NDUFAF7: variants seen among roughly 807,000 people sequenced by gnomAD.
The protein encoded by NDUFAF7 is protein arginine methyltransferase NDUFAF7, mitochondrial.
Under a neutral mutation model 47.2 loss-of-function variants are expected in NDUFAF7, and 48 were observed. That is an observed-to-expected ratio of 1.02 (90% CI 0.81 to 1.29). NDUFAF7 has a LOEUF of 1.29. Ranked by LOEUF, NDUFAF7 falls within the 50% of genes most tolerant of loss-of-function variation. The pLI, the probability that NDUFAF7 is intolerant of heterozygous loss-of-function variation, is 0.00. For missense variants in NDUFAF7, 635 were observed against 537.6 expected (o/e 1.18, Z -1.79); for synonymous variants, 217 against 190.0 (o/e 1.14, Z -1.17).
rs146476466 is a variant in NDUFAF7, at chr2:37,243,680, T to C, written c.682-183T>C. 3.7e-3 allele frequency among the ~76,000 whole-genome samples: 561 copies of C among 152,296 alleles called. 4 individuals carry two copies. The highest frequency in any genetic ancestry group is 0.013 in the African/African-American group (535 of 41,572). On this transcript the variant is annotated intron_variant, in intron 6 of 9. Coordinates refer to ENST00000002125, the MANE Select transcript of NDUFAF7 (RefSeq NM_144736.5). ...AGCGTCATCTCTGTTATTGTTTCTT[T>C]TGCATCGATTGGTCTACTCATTGTT...
chr2:37,253,778 T>G (rs956198448), downstream of NDUFAF7, among the ~76,000 whole-genome samples: 8 of 152,186 alleles, frequency 5.3e-5, no homozygotes, highest in Non-Finnish European at 1.2e-4. Context: ...CCCTATAAAA[T>G]AGTTCTAAAG....
At chr2:37,257,420 C>A (rs1158753301), downstream of NDUFAF7, among the ~76,000 whole-genome samples, 1 of 152,004 alleles carries the variant, frequency 6.6e-6, no homozygotes, top group East Asian at 1.9e-4. Flanking sequence ...AATCCCAGCA[C>A]TTTGGGAGGC....
Position 37,242,710 on chromosome 2 carries a change from A to G in NDUFAF7, c.681+17A>G, listed in dbSNP as rs767472603. ...AAATTTCAGGTATTGAGGGGGGAAA[A>G]AAGTCATGTCTATAATTGAATACAA... On this transcript the variant is annotated intron_variant, in intron 6 of 9. Transcript: ENST00000002125. 6.4e-7 allele frequency: 1 copy of G among 1,559,400 alleles called. No individual in the cohort carries two copies. Among genetic ancestry groups the G allele is most frequent in the African/African-American group, 1.4e-5 (1 of 73,684 alleles).
chr2:37,240,746 C>T (rs1313485593), intron 4 of NDUFAF7, among the ~76,000 whole-genome samples: 1 of 152,022 alleles, frequency 6.6e-6, no homozygotes, highest in Admixed American at 6.6e-5. Context: ...ATAAGAAGTC[C>T]TAAAAGCCAA....
the NDUFAF7 span, among the ~76,000 whole-genome samples, chr2:37,269,939 G>C: frequency 6.6e-6 from 1 of 152,130 alleles, no homozygotes; most frequent in Admixed American, 6.5e-5. Context: ...TAAAAATCTT[G>C]TATTTAGGCC....
rs546617923 is a variant in NDUFAF7, at chr2:37,242,531, G to C, written c.623-104G>C. ...TGAAGAGGTAGATAATTCTGTGGTA[G>C]TGATGATTATGGAGGAAGTAGGCAT... On this transcript the variant is annotated intron_variant, in intron 5 of 9. Transcript: ENST00000002125. 38 of 828,484 alleles carry C rather than the reference G, an allele frequency of 4.6e-5. No homozygotes were observed. The African/African-American group carries it at 5.3e-4, about 12-fold the overall frequency. The allele number at this position is 828,484 out of a possible 1,614,324, so 51.3% of individuals were successfully genotyped here.
chr2:37,239,904 G>T (rs1666180215), intron 4 of NDUFAF7, among the ~76,000 whole-genome samples: 1 of 152,128 alleles, frequency 6.6e-6, no homozygotes, highest in African/African-American at 2.4e-5. Context: ...AAGGGTAGAG[G>T]GAGTCCACAG....
downstream of NDUFAF7, chr2:37,256,660 AC>A: frequency 9.7e-7 from 1 of 1,032,322 alleles, no homozygotes; most frequent in Non-Finnish European, 1.2e-6. Flanking sequence ...TTTTTTTTTT[AC>A]CTTCACCAGA....
Position 37,249,052 on chromosome 2 carries a change from CTAAGATT to C in NDUFAF7, c.*705_*711del, listed in dbSNP as rs1667241890. 6.6e-6 allele frequency: 1 copy of C among 152,088 alleles called. No homozygotes were observed. The highest frequency in any genetic ancestry group is 6.5e-5 in the Admixed American group (1 of 15,282). 9.4% of individuals were successfully genotyped at this position (152,088 alleles called of 1,614,324 possible). On this transcript the variant is annotated 3_prime_UTR_variant, in exon 10 of 10. Coordinates refer to ENST00000002125, the MANE Select transcript of NDUFAF7 (RefSeq NM_144736.5). ...GCAATATGTTTTGACAGAAAACTCT[CTAAGATT>C]TAGTAAGTGAAAAAAAGTAGGATGC... is the stretch of plus-strand genomic sequence containing the variant.
At chr2:37,267,733 A>T in the NDUFAF7 span, 1 of 506,832 alleles carries the variant, frequency 2.0e-6, no homozygotes, top group Non-Finnish European at 3.4e-6. Flanking sequence ...TTTGCCCCTA[A>T]TAAAGTCAGC....
the NDUFAF7 span, chr2:37,259,541 A>G: frequency 2.7e-6 from 4 of 1,470,658 alleles, no homozygotes; most frequent in Non-Finnish European, 3.8e-6. Flanking sequence ...TGCTTTGAAA[A>G]TGTTGCCAGA....
At chr2:37,241,040 A>G (rs571428537) in intron 4 of NDUFAF7, among the ~76,000 whole-genome samples, 71 of 152,326 alleles carry the variant, frequency 4.7e-4, no homozygotes, top group Non-Finnish European at 8.7e-4. Flanking sequence ...GCCTTAAAAG[A>G]TTGGTAAAAT....
intron 4 of NDUFAF7, among the ~76,000 whole-genome samples, chr2:37,238,173 C>T (rs1350363755): frequency 6.6e-6 from 1 of 152,074 alleles, no homozygotes. Context: ...GGCATGGTGG[C>T]TCAATCCTAG....
chr2:37,247,679 A>G, intron 9 of NDUFAF7, 50 bp downstream of exon 9: 2 of 1,596,300 alleles, frequency 1.3e-6, no homozygotes, highest in East Asian at 2.2e-5. Flanking sequence ...TAGTATTTCA[A>G]AAATTACTTT....
the NDUFAF7 span, chr2:37,267,408 G>T: frequency 6.8e-7 from 1 of 1,478,276 alleles, no homozygotes; most frequent in Non-Finnish European, 9.3e-7. Context: ...TAATAAACCA[G>T]TTTTTTATTT....
chr2:37,258,852 T>G, the NDUFAF7 span, among the ~76,000 whole-genome samples: 2 of 152,238 alleles, frequency 1.3e-5, no homozygotes, highest in South Asian at 2.1e-4. Flanking sequence ...TGTCTAAATG[T>G]ACATGTTTCA....
chr2:37,259,743 T>G, the NDUFAF7 span: 3 of 1,136,804 alleles, frequency 2.6e-6, no homozygotes, highest in Middle Eastern at 2.0e-4. Flanking sequence ...CTCATGTGAC[T>G]CCTTGAATGA....
the NDUFAF7 span, chr2:37,269,547 G>A: frequency 7.4e-7 from 1 of 1,344,626 alleles, no homozygotes. Context: ...AAAACAGCTG[G>A]CAGATGTTTT....
At position 37,232,124 on chromosome 2, in the gene NDUFAF7, G is replaced by A. The variant is rs1665212046; in HGVS notation, c.74G>A (p.Arg25Lys). Reference protein sequence around the residue: ...VARAAIPFIWRGKYFSSGNEP... With the variant: ...VARAAIPFIWKGKYFSSGNEP... ...TTCGCAGCCATTCCTTTTATTTGGA[G>A]AGGGAAATACTTCAGCTCCGGGAAT... is the stretch of plus-strand genomic sequence containing the variant. The change falls in exon 2 of 10, where the codon AGA (arginine) becomes AAA (lysine). Residue 25 changes from arginine (R) to lysine (K), a missense_variant. Transcript: ENST00000002125. 6.2e-7 allele frequency: 1 copy of A among 1,614,254 alleles called. No homozygotes were observed. The highest frequency in any genetic ancestry group is 8.5e-7 in the Non-Finnish European group (1 of 1,180,042).
Sources: gnomAD v4.1 joint callset for allele counts (sites outside exome capture counted in the v4.1 genomes callset) on GRCh38, gnomAD v4.1.1 for gene constraint, MANE v1.5 for transcripts, NCBI Gene and HGNC (gene_info 2026-07-23, HGNC 2026-07-21) for gene names.